RETREG1: variants seen among roughly 807,000 people sequenced by gnomAD.
RETREG1 encodes the protein family with sequence similarity 134 member B.
In RETREG1, 44 loss-of-function variants were observed where a neutral mutation model predicts 54.8. The observed-to-expected ratio is 0.80, with a 90% CI of 0.63 to 1.03. RETREG1 has a LOEUF of 1.03. RETREG1 is among the 50% of genes least tolerant of loss of function. The pLI is 0.00. For synonymous variants in RETREG1, 217 were observed against 238.5 expected (o/e 0.91, Z 0.83); for missense variants, 554 against 605.1 (o/e 0.92, Z 0.89).
At chr5:16,574,715 T>C (rs1742277146) in intron 1 of RETREG1, among the ~76,000 whole-genome samples, 1 of 152,212 alleles carries the variant, frequency 6.6e-6, no homozygotes, top group African/African-American at 2.4e-5. Flanking sequence ...CCAGGCCCCC[T>C]GAAACAGGTG....
At chr5:16,523,596 G>T (rs1740604435) in intron 3 of RETREG1, among the ~76,000 whole-genome samples, 1 of 152,068 alleles carries the variant, frequency 6.6e-6, no homozygotes, top group African/African-American at 2.4e-5. Context: ...TGCCAAATTT[G>T]CAACTGTAGT....
chr5:16,538,176 C>T (rs1442102908), intron 3 of RETREG1, among the ~76,000 whole-genome samples: 1 of 152,152 alleles, frequency 6.6e-6, no homozygotes, highest in Non-Finnish European at 1.5e-5. Context: ...CCTGCCACAG[C>T]TAAATCTGGG....
At chr5:16,527,031 G>A (rs945374368) in intron 3 of RETREG1, among the ~76,000 whole-genome samples, 1 of 152,236 alleles carries the variant, frequency 6.6e-6, no homozygotes, top group Admixed American at 6.5e-5. Flanking sequence ...TGCAAGGTGT[G>A]GGCTGAGGCC....
intron 1 of RETREG1, among the ~76,000 whole-genome samples, chr5:16,599,875 G>A (rs114039872): frequency 0.018 from 2,705 of 152,306 alleles, 90 homozygotes; most frequent in African/African-American, 0.062. Flanking sequence ...TGGAAAGCAA[G>A]CTCCAGGGTG....
At chr5:16,527,107 G>A (rs529541627) in intron 3 of RETREG1, among the ~76,000 whole-genome samples, 8 of 152,242 alleles carry the variant, frequency 5.3e-5, no homozygotes, top group East Asian at 1.9e-4. Context: ...ACCTTCCCCC[G>A]CCAGGTGATG....
chr5:16,492,332 T>C (rs1249183703), intron 3 of RETREG1, among the ~76,000 whole-genome samples: 1 of 152,158 alleles, frequency 6.6e-6, no homozygotes, highest in African/African-American at 2.4e-5. Context: ...TTTTGATTTC[T>C]GTTATAATAC....
intron 1 of RETREG1, among the ~76,000 whole-genome samples, chr5:16,575,438 C>T (rs537450639): frequency 1.3e-5 from 2 of 152,210 alleles, no homozygotes; most frequent in African/African-American, 2.4e-5. Flanking sequence ...GGCCAGGAAG[C>T]CATTTAAGCA....
Position 16,531,546 on chromosome 5 carries a change from G to C in RETREG1, c.458+34217C>G, listed in dbSNP as rs112873042. On this transcript the variant is annotated intron_variant, in intron 3 of 8. Coordinates refer to ENST00000306320, the MANE Select transcript of RETREG1 (RefSeq NM_001034850.3). ...GATGCAGGCTATTATGAGGGGGAAA[G>C]TACAGAGTGAGACAGAAATCCACAG... Among the ~76,000 whole-genome samples the C allele has an allele frequency of 6.6e-3, 1,007 of 152,234 alleles. 12 individuals are homozygous for C. Among genetic ancestry groups the C allele is most frequent in the African/African-American group, 0.023 (973 of 41,524 alleles).
intron 1 of RETREG1, among the ~76,000 whole-genome samples, chr5:16,589,259 C>T (rs1231260277): frequency 6.6e-6 from 1 of 151,880 alleles, no homozygotes; most frequent in African/African-American, 2.4e-5. Flanking sequence ...GATTATAATC[C>T]CACTGGGTGC....
At chr5:16,587,587 T>C (rs1427912322) in intron 1 of RETREG1, among the ~76,000 whole-genome samples, 1 of 152,186 alleles carries the variant, frequency 6.6e-6, no homozygotes, top group Non-Finnish European at 1.5e-5. Context: ...CACCCACTCA[T>C]CAGTTCATGT....
At chr5:16,572,212 A>AAT in intron 1 of RETREG1, 110 bp from the exon 2 acceptor site, 2 of 687,782 alleles carry the variant, frequency 2.9e-6, no homozygotes, top group Admixed American at 2.7e-5. Flanking sequence ...TAATGATTTC[A>AAT]CTTTTTTTTT....
intron 3 of RETREG1, among the ~76,000 whole-genome samples, chr5:16,511,530 G>C (rs1203502293): frequency 1.3e-5 from 2 of 152,172 alleles, no homozygotes; most frequent in South Asian, 2.1e-4. Flanking sequence ...CCAGTACTTT[G>C]TTTTAGCGCC....
At chr5:16,525,395 G>A (rs1171330870) in intron 3 of RETREG1, among the ~76,000 whole-genome samples, 2 of 151,860 alleles carry the variant, frequency 1.3e-5, no homozygotes, top group African/African-American at 2.4e-5. Context: ...CTTCCCCCCC[G>A]CCACGAAAGT....
At chr5:16,488,074 G>A (rs1331167979) in intron 3 of RETREG1, among the ~76,000 whole-genome samples, 1 of 152,176 alleles carries the variant, frequency 6.6e-6, no homozygotes, top group South Asian at 2.1e-4. Flanking sequence ...ATTTTAACAG[G>A]TGTCCTAGAT....
chr5:16,598,418 T>C (rs1467990462), intron 1 of RETREG1, among the ~76,000 whole-genome samples: 1 of 152,206 alleles, frequency 6.6e-6, no homozygotes. Flanking sequence ...CTACCTACCA[T>C]GTTCTCAGTG....
chr5:16,556,387 C>T (rs1451460135), intron 3 of RETREG1, among the ~76,000 whole-genome samples: 1 of 151,990 alleles, frequency 6.6e-6, no homozygotes, highest in African/African-American at 2.4e-5. Context: ...GTCTCGATCT[C>T]CTGACCTCGT....
At chr5:16,557,795 A>G (rs1046316138) in intron 3 of RETREG1, among the ~76,000 whole-genome samples, 2 of 152,226 alleles carry the variant, frequency 1.3e-5, no homozygotes, top group Admixed American at 1.3e-4. Flanking sequence ...GCGTATGTCC[A>G]GCATATTCTG....
chr5:16,515,207 T>G (rs1740309951), intron 3 of RETREG1, among the ~76,000 whole-genome samples: 1 of 152,080 alleles, frequency 6.6e-6, no homozygotes, highest in South Asian at 2.1e-4. Flanking sequence ...TTGTACTACT[T>G]TACATTCCCA....
intron 3 of RETREG1, among the ~76,000 whole-genome samples, chr5:16,535,919 G>C (rs1741057396): frequency 2.0e-5 from 3 of 147,736 alleles, no homozygotes; most frequent in Admixed American, 6.7e-5. Flanking sequence ...GGGAGCTGGG[G>C]TTCCTGTGTA....
Sources: gnomAD v4.1 joint callset for allele counts (sites outside exome capture counted in the v4.1 genomes callset) on GRCh38, gnomAD v4.1.1 for gene constraint, MANE v1.5 for transcripts, NCBI Gene and HGNC (gene_info 2026-07-23, HGNC 2026-07-21) for gene names.